KLF12: variants seen among roughly 807,000 people sequenced by gnomAD.
The protein encoded by KLF12 is KLF transcription factor 12, also known as Krueppel-like factor 12.
Under a neutral mutation model 37.8 loss-of-function variants are expected in KLF12, and 9 were observed. The ratio of observed to expected loss-of-function variants is 0.24; its 90% CI spans 0.14 to 0.42. KLF12 has a LOEUF of 0.42. Ranked by LOEUF, KLF12 falls within the 10% of genes least tolerant of loss-of-function variation. The pLI is 1.00. For synonymous variants in KLF12, 208 were observed against 202.1 expected, an observed-to-expected ratio of 1.03 and a Z score of -0.25; for missense variants, 411 against 516.0, an observed-to-expected ratio of 0.80 and a Z score of 1.97.
intron 1 of KLF12, among the ~76,000 whole-genome samples, chr13:74,086,670 A>G (rs1341921831): frequency 6.6e-6 from 1 of 152,056 alleles, no homozygotes; most frequent in Non-Finnish European, 1.5e-5. Flanking sequence ...AACATCATGG[A>G]GGTTAGGGGT....
chr13:73,781,327 G>C (rs1022492096), intron 5 of KLF12, among the ~76,000 whole-genome samples: 1 of 152,108 alleles, frequency 6.6e-6, no homozygotes, highest in African/African-American at 2.4e-5. Flanking sequence ...TCACTTTATT[G>C]CAACGTTTAC....
At chr13:73,879,774 T>C (rs988813663) in intron 3 of KLF12, among the ~76,000 whole-genome samples, 4 of 152,192 alleles carry the variant, frequency 2.6e-5, no homozygotes, top group Admixed American at 2.6e-4. Context: ...TGTTTATAAA[T>C]AGTGGACATG....
the KLF12 span, among the ~76,000 whole-genome samples, chr13:74,188,603 C>A: frequency 6.6e-6 from 1 of 152,142 alleles, no homozygotes; most frequent in Admixed American, 6.5e-5. Context: ...TGAATCCTGG[C>A]TCTACCATTT....
chr13:73,959,582 C>T (rs542784913), intron 2 of KLF12, among the ~76,000 whole-genome samples: 2 of 151,164 alleles, frequency 1.3e-5, no homozygotes, highest in East Asian at 1.9e-4. Context: ...ACTTACATAG[C>T]AGTTAAAAGT....
intron 6 of KLF12, among the ~76,000 whole-genome samples, chr13:73,740,610 G>A (rs946767618): frequency 1.6e-4 from 25 of 151,990 alleles, no homozygotes; most frequent in African/African-American, 6.0e-4. Context: ...CGAGGTGCTG[G>A]GGTTACAGTT....
At chr13:74,241,087 G>C in the KLF12 span, among the ~76,000 whole-genome samples, 6 of 151,946 alleles carry the variant, frequency 3.9e-5, no homozygotes, top group East Asian at 1.2e-3. Flanking sequence ...ATCTACTTTT[G>C]GTCTTTGATG....
intron 3 of KLF12, among the ~76,000 whole-genome samples, chr13:73,915,410 C>A (rs1888772302): frequency 6.6e-6 from 1 of 152,178 alleles, no homozygotes; most frequent in African/African-American, 2.4e-5. Context: ...AGAAGTGTTG[C>A]CTTTCCAAGA....
chr13:73,999,677 T>C (rs990397237), intron 1 of KLF12, among the ~76,000 whole-genome samples: 10 of 152,092 alleles, frequency 6.6e-5, no homozygotes, highest in African/African-American at 2.4e-4. Flanking sequence ...GAGGCACAGC[T>C]TGCAGTGAGC....
chr13:73,912,195 A>C (rs1233545493), intron 3 of KLF12, among the ~76,000 whole-genome samples: 1 of 152,166 alleles, frequency 6.6e-6, no homozygotes, highest in Non-Finnish European at 1.5e-5. Flanking sequence ...TCAATAGGCC[A>C]TTAAAAAAAT....
chr13:73,897,402 C>T (rs773127587), intron 3 of KLF12, among the ~76,000 whole-genome samples: 7 of 152,116 alleles, frequency 4.6e-5, no homozygotes, highest in East Asian at 1.9e-4. Flanking sequence ...TCCATGTTTA[C>T]GACCCTTGGG....
intron 5 of KLF12, among the ~76,000 whole-genome samples, chr13:73,811,956 T>A (rs1882963207): frequency 6.6e-6 from 1 of 152,130 alleles, no homozygotes; most frequent in East Asian, 1.9e-4. Context: ...CAAAGCCTAA[T>A]GAATAAAACA....
intron 1 of KLF12, among the ~76,000 whole-genome samples, chr13:74,063,108 A>G (rs148036243): frequency 2.0e-5 from 3 of 152,310 alleles, no homozygotes; most frequent in East Asian, 1.9e-4. Context: ...TCGGTGCACC[A>G]TGTCAGGGTG....
intron 1 of KLF12, among the ~76,000 whole-genome samples, chr13:74,131,835 GAAT>G (rs1477855559): frequency 6.6e-6 from 1 of 151,810 alleles, no homozygotes; most frequent in Non-Finnish European, 1.5e-5. Flanking sequence ...TAAATTGGCA[GAAT>G]AATAAACTGC....
At chr13:73,707,578 T>C (rs1875046397) in intron 7 of KLF12, among the ~76,000 whole-genome samples, 1 of 152,230 alleles carries the variant, frequency 6.6e-6, no homozygotes, top group Non-Finnish European at 1.5e-5. Flanking sequence ...CTAAGCACTA[T>C]GCTTTATCTA....
chr13:73,983,751 A>G (rs942199015), intron 2 of KLF12, among the ~76,000 whole-genome samples: 1 of 152,224 alleles, frequency 6.6e-6, no homozygotes, highest in African/African-American at 2.4e-5. Context: ...TGACTGGTCT[A>G]TGGCATTATA....
intron 1 of KLF12, among the ~76,000 whole-genome samples, chr13:74,040,178 T>C (rs970693064): frequency 3.3e-5 from 5 of 152,226 alleles, no homozygotes; most frequent in African/African-American, 1.2e-4. Flanking sequence ...ACAGGACAGA[T>C]GTGATAGCCA....
At position 74,117,578 on chromosome 13, in the gene KLF12, G is replaced by C. The variant is rs142615458; in HGVS notation, c.-32+16161C>G. 2.8e-4 allele frequency among the ~76,000 whole-genome samples: 42 copies of C among 152,278 alleles called. No homozygotes were observed. The East Asian group carries it at 5.0e-3, about 18-fold the overall frequency. On this transcript the variant is annotated intron_variant, in intron 1 of 7. Coordinates refer to ENST00000377669, the MANE Select transcript of KLF12 (RefSeq NM_007249.5). ...CTTAGTGACTCACTTCCACAGAACAGAGTAAGGAAATGGAAAAAAATTACA... is the reference window on the plus strand; with the variant it reads ...CTTAGTGACTCACTTCCACAGAACACAGTAAGGAAATGGAAAAAAATTACA...
chr13:74,049,717 T>G (rs576589001), intron 1 of KLF12, among the ~76,000 whole-genome samples: 1 of 152,214 alleles, frequency 6.6e-6, no homozygotes, highest in East Asian at 1.9e-4. Context: ...TAATCCAACA[T>G]TTGAGAATGA....
intron 5 of KLF12, among the ~76,000 whole-genome samples, chr13:73,774,007 T>C (rs897107618): frequency 6.6e-6 from 1 of 152,146 alleles, no homozygotes; most frequent in Non-Finnish European, 1.5e-5. Context: ...TTGCCCTTCA[T>C]AGCACTTAGA....
Sources: gnomAD v4.1 joint callset for allele counts (sites outside exome capture counted in the v4.1 genomes callset) on GRCh38, gnomAD v4.1.1 for gene constraint, MANE v1.5 for transcripts, NCBI Gene and HGNC (gene_info 2026-07-23, HGNC 2026-07-21) for gene names.